Variants in KANSL1L observed in about 807,000 individuals in gnomAD.
KANSL1L encodes KAT8 regulatory NSL complex subunit 1 like, also known as KAT8 regulatory NSL complex subunit 1-like protein.
In KANSL1L, 25 loss-of-function variants were observed where a neutral mutation model predicts 108.6. The observed-to-expected ratio is 0.23, with a 90% CI of 0.17 to 0.32. KANSL1L has a LOEUF of 0.32. KANSL1L is among the 10% of genes least tolerant of loss of function. The probability of loss-of-function intolerance (pLI) is 1.00; values close to 1 mark genes in which losing one functional copy is unlikely to be tolerated. For missense variants in KANSL1L, 1,137 were observed against 1,125.7 expected, an observed-to-expected ratio of 1.01 and a Z score of -0.14; for synonymous variants, 405 against 395.1, an observed-to-expected ratio of 1.03 and a Z score of -0.30.
chr2:210,028,366 G>C (rs1259140887), intron 11 of KANSL1L: 5 of 140,438 alleles, frequency 3.6e-5, no homozygotes, highest in African/African-American at 1.3e-4. Flanking sequence ...CTCATCTTTT[G>C]AATGTGTTTA....
intron 2 of KANSL1L, among the ~76,000 whole-genome samples, chr2:210,137,758 C>A (rs1465692732): frequency 1.3e-5 from 2 of 152,066 alleles, no homozygotes; most frequent in African/African-American, 4.8e-5. Context: ...TGGCCAGGCA[C>A]AGTGGCTCAT....
intron 2 of KANSL1L, among the ~76,000 whole-genome samples, chr2:210,149,203 T>C (rs982380059): frequency 2.0e-5 from 3 of 152,134 alleles, no homozygotes; most frequent in African/African-American, 7.2e-5. Flanking sequence ...ATTGCTAGCC[T>C]CAATGTTTAT....
chr2:210,119,911 G>T (rs2094997941), intron 3 of KANSL1L, among the ~76,000 whole-genome samples: 1 of 152,034 alleles, frequency 6.6e-6, no homozygotes, highest in African/African-American at 2.4e-5. Flanking sequence ...AAGGCATCAG[G>T]CTACCCAACT....
chr2:210,140,503 C>G (rs759769608), intron 2 of KANSL1L, among the ~76,000 whole-genome samples: 2 of 152,172 alleles, frequency 1.3e-5, no homozygotes, highest in African/African-American at 2.4e-5. Context: ...TATTCTGTTT[C>G]ATAGGCATAT....
chr2:210,040,182 TA>T (rs952556172), intron 8 of KANSL1L: 1 of 387,776 alleles, frequency 2.6e-6, no homozygotes, highest in African/African-American at 2.1e-5. Flanking sequence ...CACATTTATT[TA>T]AATTTTTATT....
At chr2:210,030,003 T>C in intron 9 of KANSL1L, 85 bp from the exon 10 acceptor site, 1 of 585,524 alleles carries the variant, frequency 1.7e-6, no homozygotes, top group Non-Finnish European at 2.9e-6. Context: ...TGACAGGTGA[T>C]TGATTCCTTG....
intron 6 of KANSL1L, among the ~76,000 whole-genome samples, chr2:210,056,975 C>T (rs2094358305): frequency 6.6e-6 from 1 of 152,100 alleles, no homozygotes; most frequent in Non-Finnish European, 1.5e-5. Flanking sequence ...TGTGTGTATG[C>T]CCCTTTGCTG....
chr2:210,152,643 A>T (rs1053332289), intron 2 of KANSL1L: 3 of 152,248 alleles, frequency 2.0e-5, no homozygotes, highest in Non-Finnish European at 4.4e-5. Context: ...TACAGCTGAC[A>T]TTATAGTTTT....
chr2:210,067,265 G>C (rs2094472995), intron 6 of KANSL1L, among the ~76,000 whole-genome samples: 1 of 152,084 alleles, frequency 6.6e-6, no homozygotes, highest in Non-Finnish European at 1.5e-5. Flanking sequence ...TCAATCATGT[G>C]AGCCAATTCC....
At chr2:210,099,895 G>A (rs972969557) in intron 4 of KANSL1L, among the ~76,000 whole-genome samples, 5 of 152,096 alleles carry the variant, frequency 3.3e-5, no homozygotes, top group Non-Finnish European at 4.4e-5. Context: ...TAAGAGAAGC[G>A]TAATTTGAAC....
At chr2:210,151,262 C>A (rs2095301786) in intron 2 of KANSL1L, 1 of 152,202 alleles carries the variant, frequency 6.6e-6, no homozygotes. Context: ...TTCAAGCAAT[C>A]TGGCCACCTG....
chr2:210,090,430 A>C (rs1043132724), intron 5 of KANSL1L, among the ~76,000 whole-genome samples: 2 of 152,202 alleles, frequency 1.3e-5, no homozygotes, highest in South Asian at 2.1e-4. Flanking sequence ...TAAGACTATA[A>C]ATTTTTTGGA....
intron 6 of KANSL1L, among the ~76,000 whole-genome samples, chr2:210,056,160 G>A (rs1334819542): frequency 6.6e-6 from 1 of 152,252 alleles, no homozygotes; most frequent in East Asian, 1.9e-4. Flanking sequence ...TTCAGAGGGT[G>A]CAAGCCCTAA....
At chr2:210,157,351 G>C (rs1203008971) in intron 1 of KANSL1L, among the ~76,000 whole-genome samples, 2 of 152,210 alleles carry the variant, frequency 1.3e-5, no homozygotes. Flanking sequence ...CACAAGGCAG[G>C]AAAATTCATC....
chr2:210,099,942 A>C (rs1349805562), intron 4 of KANSL1L, among the ~76,000 whole-genome samples: 1 of 152,190 alleles, frequency 6.6e-6, no homozygotes, highest in Non-Finnish European at 1.5e-5. Flanking sequence ...AAGTTAAAAC[A>C]CTAGCTATTC....
intron 6 of KANSL1L, among the ~76,000 whole-genome samples, chr2:210,056,289 G>T (rs79364687): frequency 2.6e-5 from 4 of 152,120 alleles, no homozygotes; most frequent in Non-Finnish European, 5.9e-5. Flanking sequence ...GCTAATTTCT[G>T]TTCCTCCATT....
rs139975532 is a variant in KANSL1L, at chr2:210,140,986, AATTT to A, written c.1089-11818_1089-11815del. Among the ~76,000 whole-genome samples the A allele has an allele frequency of 4.4e-4, 67 of 152,190 alleles. No individual in the cohort carries two copies. The East Asian group carries it at 0.013, about 29-fold the overall frequency. On this transcript the variant is annotated intron_variant, in intron 2 of 14. Coordinates refer to ENST00000281772, the MANE Select transcript of KANSL1L (RefSeq NM_152519.4). Reference sequence around the variant, plus strand: ...GATTTTATATCCTGAAACGCTAATTAATTTATTTCTAACATTGTTTTGATGGGGT... The same window carrying A: ...GATTTTATATCCTGAAACGCTAATTAATTTCTAACATTGTTTTGATGGGGT...
At chr2:210,058,118 C>A (rs1157987147) in intron 6 of KANSL1L, among the ~76,000 whole-genome samples, 1 of 152,206 alleles carries the variant, frequency 6.6e-6, no homozygotes, top group Non-Finnish European at 1.5e-5. Context: ...AGAAATATCG[C>A]TGAATTCTTT....
At chr2:210,096,445 C>G (rs1025633368) in intron 5 of KANSL1L, 1 of 966,482 alleles carries the variant, frequency 1.0e-6, no homozygotes, top group African/African-American at 1.8e-5. Context: ...AATAATTATG[C>G]AATCAATGCT....
Sources: allele counts gnomAD v4.1 joint callset (sites outside exome capture counted in the v4.1 genomes callset), GRCh38; gene constraint gnomAD v4.1.1; transcripts MANE v1.5; gene names NCBI Gene and HGNC (gene_info 2026-07-23, HGNC 2026-07-21).